The following PCYOX1L variants were observed in gnomAD, a reference collection of about 807,000 sequenced individuals.
The protein encoded by PCYOX1L is prenylcysteine oxidase 1 like, also known as prenylcysteine oxidase 1-like.
Under a neutral mutation model 44.1 loss-of-function variants are expected in PCYOX1L, and 40 were observed. The ratio of observed to expected loss-of-function variants is 0.91; its 90% CI spans 0.70 to 1.18. The LOEUF (loss-of-function observed/expected upper bound fraction) is 1.18, where lower values mean the gene tolerates loss of function less well. Among genes scored for constraint, PCYOX1L ranks in the 50% most tolerant of loss-of-function variants. The pLI is 0.00. For synonymous variants in PCYOX1L, 266 were observed against 282.8 expected, an observed-to-expected ratio of 0.94 and a Z score of 0.60; for missense variants, 605 against 653.3, an observed-to-expected ratio of 0.93 and a Z score of 0.81.
chr5:149,365,927 C>G lies in PCYOX1L; in HGVS notation c.471-15C>G, dbSNP rs368916311. On this transcript the variant is annotated splice_polypyrimidine_tract_variant and intron_variant, in intron 3 of 5. Coordinates refer to ENST00000274569, the MANE Select transcript of PCYOX1L (RefSeq NM_024028.4). ...GCCTTCCTGCACAAGGACTCCAGCT[C>G]TATGTGTCTTCTAGGATCTATAAGT... 31 of 1,613,860 alleles carry G rather than the reference C, an allele frequency of 1.9e-5. No individual in the cohort carries two copies. The East Asian group carries it at 4.0e-4, about 21-fold the overall frequency.
At chr5:149,363,778 G>C (rs1160420069) in intron 2 of PCYOX1L, 3 of 465,588 alleles carry the variant, frequency 6.4e-6, no homozygotes, top group Middle Eastern at 5.9e-4. Context: ...GGACATTCTG[G>C]GATAAAATCT....
intron 3 of PCYOX1L, chr5:149,365,590 A>C: frequency 3.6e-6 from 1 of 276,146 alleles, no homozygotes. Flanking sequence ...CTGTTGGAGA[A>C]GGAGATGTGT....
In PCYOX1L at chr5:149,360,661, G is replaced by T. The variant is rs530699071; in HGVS notation, c.89-1976G>T. 2.6e-5 allele frequency among the ~76,000 whole-genome samples: 4 copies of T among 152,312 alleles called. No individual in the cohort carries two copies. In the East Asian group the frequency reaches 7.7e-4, roughly 29 times the overall value. ...ACCTCAGGTGGGTCAGTCAAGCCAAGTTATAGGTGACATCTGAGGGCTGTT... is the reference window on the plus strand; with the variant it reads ...ACCTCAGGTGGGTCAGTCAAGCCAATTTATAGGTGACATCTGAGGGCTGTT... On this transcript the variant is annotated intron_variant, in intron 1 of 5. Transcript: ENST00000274569.
chr5:149,368,895 T>C lies in PCYOX1L; in HGVS notation c.*241T>C, dbSNP rs1561705739. 1 of 372,560 alleles carries C rather than the reference T, an allele frequency of 2.7e-6. No homozygotes were observed. The highest frequency in any genetic ancestry group is 4.7e-6 in the Non-Finnish European group (1 of 211,862). The allele number at this position is 372,560 out of a possible 1,614,324, so 23.1% of individuals were successfully genotyped here. On this transcript the variant is annotated 3_prime_UTR_variant, in exon 6 of 6. Coordinates refer to ENST00000274569, the MANE Select transcript of PCYOX1L (RefSeq NM_024028.4). Reference sequence around the variant, plus strand: ...TCCAAGCCAGTATATTTGTTTTATTTATTTTTTTTAAGAAGAAAAAAGTTC... The same window carrying C: ...TCCAAGCCAGTATATTTGTTTTATTCATTTTTTTTAAGAAGAAAAAAGTTC...
chr5:149,358,080 A>G lies in PCYOX1L; in HGVS notation c.12A>G (p.Ala4=), dbSNP rs894663258. The change falls in exon 1 of 6, where the codon GCA becomes GCG. Residue 4 remains alanine (A), a synonymous_variant. Coordinates refer to ENST00000274569, the MANE Select transcript of PCYOX1L (RefSeq NM_024028.4). ...GCTCGCCGCCCGCCATGGCCCGCGCAGCCCCGCTGCTCGCCGCGTTGACCG... is the reference window on the plus strand; with the variant it reads ...GCTCGCCGCCCGCCATGGCCCGCGCGGCCCCGCTGCTCGCCGCGTTGACCG... MAR[A]APLLAALTAL... The G allele has an allele frequency of 7.1e-7, 1 of 1,413,204 alleles. No individual in the cohort carries two copies. The highest frequency in any genetic ancestry group is 9.2e-7 in the Non-Finnish European group (1 of 1,085,106). The allele number at this position is 1,413,204 out of a possible 1,614,324, so 87.5% of individuals were successfully genotyped here.
At position 149,368,091 on chromosome 5, in the gene PCYOX1L, A is replaced by C; in HGVS notation, c.922A>C (p.Asn308His). Residue 308 changes from asparagine to histidine, a missense_variant, in exon 6 of 6, where the codon AAC becomes CAC. Coordinates refer to ENST00000274569, the MANE Select transcript of PCYOX1L (RefSeq NM_024028.4). ...VVIATPLHLD[N>H]SSSNLTFAGF... ...CATCGCCACCCCCCTGCACCTGGAC[A>C]ACAGCAGCAGCAACTTAACCTTTGC... 1 of 1,611,654 alleles carries C rather than the reference A, an allele frequency of 6.2e-7. No homozygotes were observed. The highest frequency in any genetic ancestry group is 1.1e-5 in the South Asian group (1 of 90,614).
At chr5:149,359,303 A>G (rs569782750) in intron 1 of PCYOX1L, among the ~76,000 whole-genome samples, 1 of 152,338 alleles carries the variant, frequency 6.6e-6, no homozygotes, top group South Asian at 2.1e-4. Context: ...GTGTAGCAGA[A>G]CCACAGCCCA....
rs771307566 is a variant in PCYOX1L at position 149,362,674 on chromosome 5, C to T, written c.126C>T (p.Ala42=). The T allele has an allele frequency of 3.1e-6, 5 of 1,614,188 alleles. No individual in the cohort carries two copies. The East Asian group carries it at 8.9e-5, about 29-fold the overall frequency. ...CTGGGATTGGGGGCTCTGCTGTGGC[C>T]CATTTTCTCCAGCAGCACTTTGGAC... is the stretch of plus-strand genomic sequence containing the variant. ...VGAGIGGSAV[A]HFLQQHFGPR... The change falls in exon 2 of 6, where the codon GCC becomes GCT. Residue 42 remains alanine (A), a synonymous_variant. Transcript: ENST00000274569.
intron 5 of PCYOX1L, 130 bp downstream of exon 5, chr5:149,367,630 C>G: frequency 1.5e-6 from 2 of 1,308,966 alleles, no homozygotes; most frequent in Non-Finnish European, 2.0e-6. Context: ...CATTGAGAAG[C>G]CCCAACCCTG....
chr5:149,358,139 C>A lies in PCYOX1L; in HGVS notation c.71C>A (p.Ala24Asp). ...GCCGCCGCCGCTGCTGGCGGAGATGCCCCGCCGGGCAAAATCGGTGCGGGA... is the reference window on the plus strand; with the variant it reads ...GCCGCCGCCGCTGCTGGCGGAGATGACCCGCCGGGCAAAATCGGTGCGGGA... ...LLAAAAAGGD[A>D]PPGKIAVVGA... is the part of the protein sequence containing the mutation. The change falls in exon 1 of 6, where the codon GCC (alanine) becomes GAC (aspartate). Residue 24 changes from alanine (A) to aspartate (D), a missense_variant. Physicochemically the swap from Ala to Asp is moderately radical, Grantham distance 126 (BLOSUM62 -2). Transcript: ENST00000274569. 1 of 1,458,432 alleles carries A rather than the reference C, an allele frequency of 6.9e-7. No homozygotes were observed. Among genetic ancestry groups the A allele is most frequent in the Non-Finnish European group, 9.0e-7 (1 of 1,108,138 alleles). The allele number at this position is 1,458,432 out of a possible 1,614,324, so 90.3% of individuals were successfully genotyped here.
chr5:149,366,797 G>A (rs1250412493), intron 4 of PCYOX1L, among the ~76,000 whole-genome samples: 2 of 152,168 alleles, frequency 1.3e-5, no homozygotes, highest in Non-Finnish European at 2.9e-5. Flanking sequence ...GCAGCCTTCA[G>A]GCCCTGCCTC....
chr5:149,358,203 G>T, intron 1 of PCYOX1L, 47 bp downstream of exon 1: 1 of 1,397,292 alleles, frequency 7.2e-7, no homozygotes, highest in South Asian at 1.5e-5. Context: ...GGGCCGGCGG[G>T]TAAAGGGTTC....
chr5:149,363,225 A>G (rs1000570611), intron 2 of PCYOX1L: 5 of 369,178 alleles, frequency 1.4e-5, no homozygotes, highest in East Asian at 1.4e-4. Flanking sequence ...TCTTAAGGCA[A>G]CTGAGGCTCA....
In PCYOX1L at chr5:149,364,228, G is replaced by C. The variant is rs762871005; in HGVS notation, c.470+18G>C. On this transcript the variant is annotated intron_variant, in intron 3 of 5. Coordinates refer to ENST00000274569, the MANE Select transcript of PCYOX1L (RefSeq NM_024028.4). ...TTCATGAGGTAGGGCTGGCAGAGCT[G>C]TGGGGATGGCGTTCCAGGGGAACCG... is the stretch of plus-strand genomic sequence containing the variant. The C allele has an allele frequency of 1.9e-6, 3 of 1,613,078 alleles. No homozygotes were observed. In the Admixed American group the frequency reaches 5.0e-5, roughly 27 times the overall value.
At chr5:149,358,483 C>T (rs1209569324) in intron 1 of PCYOX1L, among the ~76,000 whole-genome samples, 6 of 152,204 alleles carry the variant, frequency 3.9e-5, no homozygotes, top group Non-Finnish European at 5.9e-5. Flanking sequence ...GACAGAGAGG[C>T]TGGGCGATGG....
At chr5:149,365,383 A>T (rs912044822) in intron 3 of PCYOX1L, 1 of 153,132 alleles carries the variant, frequency 6.5e-6, no homozygotes, top group Admixed American at 6.5e-5. Flanking sequence ...GCCAGTCAGG[A>T]AATCCATCGA....
intron 2 of PCYOX1L, chr5:149,363,737 C>A (rs1014766541): frequency 2.6e-6 from 1 of 380,648 alleles, no homozygotes; most frequent in African/African-American, 2.0e-5. Context: ...AGGCCACCAT[C>A]TCCAAACAAG....
At chr5:149,363,023 T>C in intron 2 of PCYOX1L, 180 bp downstream of exon 2, 1 of 764,146 alleles carries the variant, frequency 1.3e-6, no homozygotes, top group Non-Finnish European at 2.3e-6. Context: ...CACAGTGAGT[T>C]AGTTGCAGAG....
intron 1 of PCYOX1L, among the ~76,000 whole-genome samples, chr5:149,358,979 A>G (rs1757932990): frequency 6.6e-6 from 1 of 152,202 alleles, no homozygotes; most frequent in Admixed American, 6.5e-5. Context: ...GCATCTCCAA[A>G]TAAATTGCAG....
Sources: gnomAD v4.1 joint callset for allele counts (sites outside exome capture counted in the v4.1 genomes callset) on GRCh38, gnomAD v4.1.1 for gene constraint, MANE v1.5 for transcripts, NCBI Gene and HGNC (gene_info 2026-07-23, HGNC 2026-07-21) for gene names.